Variants in NOSIP observed in about 807,000 individuals in gnomAD.
The protein encoded by NOSIP is nitric oxide synthase-interacting protein.
A neutral mutation model predicts 36.4 loss-of-function variants in NOSIP; 25 were observed. The observed-to-expected ratio is 0.69, with a 90% CI of 0.50 to 0.96. NOSIP has a LOEUF of 0.96. Among genes scored for constraint, NOSIP ranks in the 40% least tolerant of loss-of-function variants. The pLI is 0.00. For synonymous variants in NOSIP, 187 were observed against 179.2 expected (o/e 1.04, Z -0.35); for missense variants, 370 against 429.0 (o/e 0.86, Z 1.21).
intron 1 of NOSIP, among the ~76,000 whole-genome samples, chr19:49,576,753 G>T (rs1412850717): frequency 6.6e-6 from 1 of 151,560 alleles, no homozygotes; most frequent in Non-Finnish European, 1.5e-5. Context: ...GCGTGGTGGT[G>T]CATACCTGTA....
intron 1 of NOSIP, among the ~76,000 whole-genome samples, chr19:49,577,101 GATAA>G (rs1329337665): frequency 6.6e-6 from 1 of 152,050 alleles, no homozygotes. Context: ...TAATCAAAAA[GATAA>G]ATAATAAGTG....
chr19:49,575,583 C>T (rs1427612715), intron 1 of NOSIP, among the ~76,000 whole-genome samples: 1 of 152,040 alleles, frequency 6.6e-6, no homozygotes, highest in Non-Finnish European at 1.5e-5. Context: ...ATTCAATTTC[C>T]TGATTCTAGG....
intron 1 of NOSIP, among the ~76,000 whole-genome samples, chr19:49,577,992 G>A (rs140544290): frequency 3.9e-4 from 59 of 152,180 alleles, no homozygotes; most frequent in African/African-American, 1.4e-3. Flanking sequence ...GAGTACCAGG[G>A]TTTCTTTTTG....
At chr19:49,578,373 C>G (rs2080580578) in intron 1 of NOSIP, among the ~76,000 whole-genome samples, 1 of 152,176 alleles carries the variant, frequency 6.6e-6, no homozygotes, top group African/African-American at 2.4e-5. Context: ...ATCCACCTGC[C>G]TTCACCTCCC....
intron 1 of NOSIP, among the ~76,000 whole-genome samples, chr19:49,569,711 G>A (rs1439772299): frequency 1.3e-5 from 2 of 151,888 alleles, no homozygotes; most frequent in African/African-American, 2.4e-5. Flanking sequence ...AGGAGGCTGA[G>A]GCAAGAGAAT....
At chr19:49,577,767 G>GAAAA (rs61302412) in intron 1 of NOSIP, among the ~76,000 whole-genome samples, 1 of 121,660 alleles carries the variant, frequency 8.2e-6, no homozygotes. Context: ...CGTGTCTCGG[G>GAAAA]AAAAAAAAAA....
chr19:49,560,394 T>C lies in NOSIP; in HGVS notation c.70+228A>G. ...CATGGGGTAACAAGAGCACCCTCCCTGACACTCTGTTGGGAGGAGTGAGTT... is the reference window on the plus strand; with the variant it reads ...CATGGGGTAACAAGAGCACCCTCCCCGACACTCTGTTGGGAGGAGTGAGTT... On this transcript the variant is annotated intron_variant, in intron 2 of 8. Coordinates refer to ENST00000596358, the MANE Select transcript of NOSIP (RefSeq NM_001270960.2). The surrounding 1 kb of genome is among the most constrained non-coding windows in gnomAD (Gnocchi z 4.6). The C allele has an allele frequency of 1.7e-6, 1 of 589,948 alleles. No individual in the cohort carries two copies. 36.5% of individuals were successfully genotyped at this position (589,948 alleles called of 1,614,324 possible).
intron 1 of NOSIP, among the ~76,000 whole-genome samples, chr19:49,576,004 G>C (rs1253706840): frequency 6.6e-6 from 1 of 151,448 alleles, no homozygotes; most frequent in South Asian, 2.1e-4. Flanking sequence ...GCGTGGTGGC[G>C]GGCGCCTGTA....
chr19:49,578,698 G>A (rs1439068418), intron 1 of NOSIP, among the ~76,000 whole-genome samples: 1 of 151,148 alleles, frequency 6.6e-6, no homozygotes, highest in East Asian at 2.0e-4. Flanking sequence ...CCAGGCTAGA[G>A]TGCAGTGGCG....
intron 1 of NOSIP, among the ~76,000 whole-genome samples, chr19:49,562,259 T>G (rs2080345841): frequency 6.6e-6 from 1 of 152,248 alleles, no homozygotes; most frequent in African/African-American, 2.4e-5. Flanking sequence ...ATAGCAGGGA[T>G]TACAGGTGCC....
intron 3 of NOSIP, chr19:49,559,641 C>T: frequency 2.3e-6 from 1 of 425,950 alleles, no homozygotes; most frequent in East Asian, 5.1e-5. Context: ...TTTGCCCTAC[C>T]ATCAGAGGTA....
chr19:49,567,972 C>T (rs2080433002), intron 1 of NOSIP, among the ~76,000 whole-genome samples: 1 of 151,926 alleles, frequency 6.6e-6, no homozygotes, highest in Admixed American at 6.6e-5. Context: ...GCCACCACAC[C>T]CAACCAACAA....
chr19:49,560,055 G>A lies in NOSIP; in HGVS notation c.71-16C>T, dbSNP rs1173295558. 1.3e-6 allele frequency: 2 copies of A among 1,580,884 alleles called. No homozygotes were observed. Among genetic ancestry groups the A allele is most frequent in the African/African-American group, 2.7e-5 (2 of 74,314 alleles). On this transcript the variant is annotated splice_polypyrimidine_tract_variant and intron_variant, in intron 2 of 8. Transcript: ENST00000596358. This position sits in a 1 kb window ranked among gnomAD's most constrained non-coding sequence, Gnocchi z 4.6. Reference sequence around the variant, plus strand: ...CCCGAGGCCGCTGGGGACAGAGATGGGCAGAGTGATGGAGGGGCGGAGCAA... The same window carrying A: ...CCCGAGGCCGCTGGGGACAGAGATGAGCAGAGTGATGGAGGGGCGGAGCAA...
At chr19:49,567,052 G>A (rs2080418822) in intron 1 of NOSIP, among the ~76,000 whole-genome samples, 1 of 151,270 alleles carries the variant, frequency 6.6e-6, no homozygotes, top group South Asian at 2.1e-4. Flanking sequence ...CTGACCTCAG[G>A]TGGTCCACCT....
chr19:49,555,621 G>A lies in NOSIP; in HGVS notation c.*130C>T, dbSNP rs2080225219. The A allele has an allele frequency of 1.4e-6, 1 of 699,592 alleles. No individual in the cohort carries two copies. Among genetic ancestry groups the A allele is most frequent in the Admixed American group, 2.5e-5 (1 of 39,628 alleles). 43.3% of individuals were successfully genotyped at this position (699,592 alleles called of 1,614,324 possible). On this transcript the variant is annotated 3_prime_UTR_variant, in exon 9 of 9. Coordinates refer to ENST00000596358, the MANE Select transcript of NOSIP (RefSeq NM_001270960.2). ...TTAGCCCGCTCTTTCAAACTCCAGCGTGCGCTGTAGGAGCACTGTTTGCAC... is the reference window on the plus strand; with the variant it reads ...TTAGCCCGCTCTTTCAAACTCCAGCATGCGCTGTAGGAGCACTGTTTGCAC...
Position 49,560,593 on chromosome 19 carries a change from TC to T in NOSIP, c.70+28del. On this transcript the variant is annotated intron_variant, in intron 2 of 8. Coordinates refer to ENST00000596358, the MANE Select transcript of NOSIP (RefSeq NM_001270960.2). This position sits in a 1 kb window ranked among gnomAD's most constrained non-coding sequence, Gnocchi z 4.6. The stretch of plus-strand genomic sequence containing the variant: ...AGGGTGACTCCAAGACACAGCCATG[TC>T]CCGCCTCTTCCCACCCCAGCCCTGC... 6.5e-7 allele frequency: 1 copy of T among 1,543,530 alleles called. No individual in the cohort carries two copies. Among genetic ancestry groups the T allele is most frequent in the Admixed American group, 1.9e-5 (1 of 53,084 alleles).
intron 1 of NOSIP, among the ~76,000 whole-genome samples, chr19:49,565,042 A>T (rs1226750380): frequency 6.6e-6 from 1 of 152,124 alleles, no homozygotes; most frequent in African/African-American, 2.4e-5. Flanking sequence ...TGGGGAGGCC[A>T]AGGCAGGAGG....
chr19:49,567,462 C>T (rs1038900726), intron 1 of NOSIP, among the ~76,000 whole-genome samples: 1 of 152,030 alleles, frequency 6.6e-6, no homozygotes, highest in Non-Finnish European at 1.5e-5. Context: ...GCTCTCCATA[C>T]AGACTGCACA....
intron 4 of NOSIP, chr19:49,558,245 C>CTTTTTTTT (rs747871503): frequency 8.1e-6 from 1 of 123,646 alleles, no homozygotes; most frequent in African/African-American, 3.3e-5. Flanking sequence ...CGTAGCACAT[C>CTTTTTTTT]TTTTTTTTTT....
Sources: gnomAD v4.1 joint callset for allele counts (sites outside exome capture counted in the v4.1 genomes callset) on GRCh38, gnomAD v4.1.1 for gene constraint, Gnocchi (gnomAD v3.1) non-coding constraint, MANE v1.5 for transcripts, NCBI Gene and HGNC (gene_info 2026-07-23, HGNC 2026-07-21) for gene names.